MSL2: variants seen among roughly 807,000 people sequenced by gnomAD.
MSL2 encodes the protein E3 ubiquitin-protein ligase MSL2.
A neutral mutation model predicts 35.8 loss-of-function variants in MSL2; 2 were observed. The ratio of observed to expected loss-of-function variants is 0.06; its 90% CI spans 0.02 to 0.18. The LOEUF is 0.18. Among genes scored for constraint, MSL2 ranks in the 10% least tolerant of loss-of-function variants. MSL2 has a pLI of 1.00. For synonymous variants in MSL2, 296 were observed against 255.7 expected (o/e 1.16, Z -1.50); for missense variants, 523 against 706.7 (o/e 0.74, Z 2.95).
At chr3:136,177,690 A>C (rs1393121228) in intron 1 of MSL2, among the ~76,000 whole-genome samples, 2 of 151,820 alleles carry the variant, frequency 1.3e-5, no homozygotes, top group South Asian at 2.1e-4. Context: ...TAAAAAAAAA[A>C]AAAAAAAAAA....
At chr3:136,179,834 A>C (rs1055795242) in intron 1 of MSL2, among the ~76,000 whole-genome samples, 1 of 152,218 alleles carries the variant, frequency 6.6e-6, no homozygotes, top group African/African-American at 2.4e-5. Context: ...TGGGAGGCCA[A>C]GGCAGGTGAT....
At chr3:136,183,736 G>C (rs1355336504) in intron 1 of MSL2, among the ~76,000 whole-genome samples, 1 of 152,110 alleles carries the variant, frequency 6.6e-6, no homozygotes, top group Non-Finnish European at 1.5e-5. Context: ...AATACATGCA[G>C]CAAAAACTTA....
chr3:136,176,048 G>C (rs919394678), intron 1 of MSL2, among the ~76,000 whole-genome samples: 1 of 148,548 alleles, frequency 6.7e-6, no homozygotes, highest in Non-Finnish European at 1.5e-5. Flanking sequence ...CATATACAAG[G>C]AAATAATCTC....
intron 1 of MSL2, among the ~76,000 whole-genome samples, chr3:136,159,509 G>A (rs1171304273): frequency 1.7e-4 from 26 of 149,538 alleles, no homozygotes; most frequent in Middle Eastern, 7.0e-3. Flanking sequence ...GACTACAGGC[G>A]CCCGCCACCA....
intron 1 of MSL2, among the ~76,000 whole-genome samples, chr3:136,192,055 C>T (rs1940704842): frequency 6.6e-6 from 1 of 152,126 alleles, no homozygotes; most frequent in Non-Finnish European, 1.5e-5. Flanking sequence ...CAATGTCTTC[C>T]CTAAAAAGTT....
intron 1 of MSL2, among the ~76,000 whole-genome samples, chr3:136,162,272 T>C (rs1381713664): frequency 6.7e-6 from 1 of 148,306 alleles, no homozygotes; most frequent in Non-Finnish European, 1.5e-5. Context: ...CATAAGGTTT[T>C]TAAAAAAAAA....
chr3:136,167,746 CAAGG>C (rs1468099473), intron 1 of MSL2, among the ~76,000 whole-genome samples: 1 of 152,006 alleles, frequency 6.6e-6, no homozygotes, highest in African/African-American at 2.4e-5. Context: ...TTTAAATGGT[CAAGG>C]TATCCACAAG....
chr3:136,181,968 T>TA (rs1940379291), intron 1 of MSL2, among the ~76,000 whole-genome samples: 1 of 151,304 alleles, frequency 6.6e-6, no homozygotes, highest in African/African-American at 2.4e-5. Context: ...AATCAAAACT[T>TA]ACGTGGGCTG....
chr3:136,195,194 G>A lies in MSL2; in HGVS notation c.-81C>T, dbSNP rs1940801181. On this transcript the variant is annotated 5_prime_UTR_variant, in exon 1 of 2. Coordinates refer to ENST00000309993, the MANE Select transcript of MSL2 (RefSeq NM_018133.4). Reference sequence around the variant, plus strand: ...TAGTAAGCAGCCAGGGAACGATGGCGAATTTGCAACAATTCGGAAGAAATC... The same window carrying A: ...TAGTAAGCAGCCAGGGAACGATGGCAAATTTGCAACAATTCGGAAGAAATC... 2.6e-6 allele frequency: 4 copies of A among 1,543,652 alleles called. No individual in the cohort carries two copies. The highest frequency in any genetic ancestry group is 3.5e-6 in the Non-Finnish European group (4 of 1,148,964).
intron 1 of MSL2, chr3:136,155,937 T>C: frequency 1.9e-6 from 1 of 524,538 alleles, no homozygotes; most frequent in South Asian, 1.5e-5. Flanking sequence ...ACTCCAGAAC[T>C]ACTACTGTCT....
chr3:136,192,351 G>A (rs1940712963), intron 1 of MSL2, among the ~76,000 whole-genome samples: 1 of 151,962 alleles, frequency 6.6e-6, no homozygotes, highest in African/African-American at 2.4e-5. Flanking sequence ...GCTAATTTGT[G>A]TATTTTTAGT....
chr3:136,168,277 C>T (rs1321252465), intron 1 of MSL2, among the ~76,000 whole-genome samples: 1 of 151,992 alleles, frequency 6.6e-6, no homozygotes, highest in Non-Finnish European at 1.5e-5. Flanking sequence ...ACAAAAACTT[C>T]ACTTGCTAAA....
At chr3:136,173,512 C>G (rs1361210885) in intron 1 of MSL2, among the ~76,000 whole-genome samples, 1 of 152,204 alleles carries the variant, frequency 6.6e-6, no homozygotes, top group Non-Finnish European at 1.5e-5. Flanking sequence ...CCAGACTCTT[C>G]ACCTCCATTC....
intron 1 of MSL2, among the ~76,000 whole-genome samples, 197 bp downstream of exon 1, chr3:136,194,775 G>T (rs1940788770): frequency 6.6e-6 from 1 of 152,094 alleles, no homozygotes; most frequent in Non-Finnish European, 1.5e-5. Flanking sequence ...GCACAAAGCG[G>T]TATGAAAGGG....
At chr3:136,193,304 C>A (rs757595747) in intron 1 of MSL2, among the ~76,000 whole-genome samples, 1 of 152,076 alleles carries the variant, frequency 6.6e-6, no homozygotes. Context: ...GTGGTCTGCA[C>A]AACTCAAAAC....
In MSL2 at chr3:136,151,220, G is replaced by A. The variant is rs1939355136; in HGVS notation, c.1661C>T (p.Thr554Met). 1 of 1,614,174 alleles carries A rather than the reference G, an allele frequency of 6.2e-7. No homozygotes were observed. Among genetic ancestry groups the A allele is most frequent in the Non-Finnish European group, 8.5e-7 (1 of 1,180,040 alleles). The change falls in exon 2 of 2, where the codon ACG becomes ATG. Residue 554 changes from threonine to methionine, a missense_variant. By Grantham distance (81) the Thr-to-Met change is moderately conservative. Around this residue, in one of 5 missense-constraint regions of MSL2, gnomAD observed 60 missense variants for 75.1 expected, o/e 0.80. Coordinates refer to ENST00000309993, the MANE Select transcript of MSL2 (RefSeq NM_018133.4). The surrounding 1 kb of genome is among the most constrained non-coding windows in gnomAD (Gnocchi z 5.2). ...ATGTGTACTGGCAGCTAAAAACGTC[G>A]TTACTGGGGACCCTGTGACATTTAT... ...SVINVTGSPVTTFLAASTHDD... is the reference protein window; with the variant it reads ...SVINVTGSPVMTFLAASTHDD...
At position 136,195,416 on chromosome 3, in the gene MSL2, CG is replaced by C; in HGVS notation, c.-304del. ...AACGCGGCGGCTTGGGCGCTCGGGG[CG>C]GGACTCGGAGCTCAGTCTAGCCCCG... On this transcript the variant is annotated 5_prime_UTR_variant, in exon 1 of 2. Coordinates refer to ENST00000309993, the MANE Select transcript of MSL2 (RefSeq NM_018133.4). 1 of 1,123,064 alleles carries C rather than the reference CG, an allele frequency of 8.9e-7. No individual in the cohort carries two copies. Among genetic ancestry groups the C allele is most frequent in the African/African-American group, 1.7e-5 (1 of 60,456 alleles). The allele number at this position is 1,123,064 out of a possible 1,614,324, so 69.6% of individuals were successfully genotyped here.
In MSL2 at chr3:136,150,146, A is replaced by G. The variant is rs1210845292; in HGVS notation, c.*1001T>C. ...ACAGGCTTTATAAAAAGGCATTCTT[A>G]TTAGGCCTCTATAAAGAAGCCTTCA... On this transcript the variant is annotated 3_prime_UTR_variant, in exon 2 of 2. Transcript: ENST00000309993. 1 of 152,612 alleles carries G rather than the reference A, an allele frequency of 6.6e-6. No homozygotes were observed. Among genetic ancestry groups the G allele is most frequent in the Non-Finnish European group, 1.5e-5 (1 of 68,034 alleles). The allele number at this position is 152,612 out of a possible 1,614,324, so 9.5% of individuals were successfully genotyped here. A position where few individuals can be genotyped will look rare whatever the true frequency, so the allele number is the denominator to read the frequency against.
chr3:136,154,902 A>G (rs1939475435), intron 1 of MSL2, among the ~76,000 whole-genome samples: 1 of 152,136 alleles, frequency 6.6e-6, no homozygotes, highest in African/African-American at 2.4e-5. Flanking sequence ...AAAAAAAATT[A>G]TAATACATTT....
Sources: allele counts gnomAD v4.1 joint callset (sites outside exome capture counted in the v4.1 genomes callset), GRCh38; gene constraint gnomAD v4.1.1; regional missense constraint gnomAD v4.1.1; non-coding constraint Gnocchi (gnomAD v3.1); transcripts MANE v1.5; gene names NCBI Gene and HGNC (gene_info 2026-07-23, HGNC 2026-07-21).